The following CAMTA1 variants were observed in gnomAD, a reference collection of about 807,000 sequenced individuals.
CAMTA1 encodes calmodulin-binding transcription activator 1.
In CAMTA1, 27 loss-of-function variants were observed where a neutral mutation model predicts 170.9. The observed-to-expected ratio is 0.16, with a 90% confidence interval of 0.12 to 0.22. The LOEUF is 0.22. CAMTA1 is among the 10% of genes least tolerant of loss of function. The probability of loss-of-function intolerance (pLI) is 1.00; values close to 1 mark genes in which losing one functional copy is unlikely to be tolerated. For synonymous variants in CAMTA1, 833 were observed against 891.5 expected, an observed-to-expected ratio of 0.93 and a Z score of 1.17; for missense variants, 1,619 against 2,217.2, an observed-to-expected ratio of 0.73 and a Z score of 5.42.
In CAMTA1 at chr1:7,680,582, A is replaced by G. The variant is rs2096183025; in HGVS notation, c.2914+2849A>G. On this transcript the variant is annotated intron_variant, in intron 11 of 22. Transcript: ENST00000303635. This position sits in a 1 kb window ranked among gnomAD's most constrained non-coding sequence, Gnocchi z 4.4. ...GACTGCGAGGACCGCGGGACTAGGA[A>G]GGCCTGAGCCCGGCCACCCGCCTCC... 6.6e-6 allele frequency among the ~76,000 whole-genome samples: 1 copy of G among 151,772 alleles called. No homozygotes were observed. Among genetic ancestry groups the G allele is most frequent in the South Asian group, 2.1e-4 (1 of 4,830 alleles).
chr1:7,408,627 C>T (rs743968), intron 5 of CAMTA1, among the ~76,000 whole-genome samples: 3 of 152,208 alleles, frequency 2.0e-5, no homozygotes, highest in Non-Finnish European at 2.9e-5. Context: ...AGGCTGCTCT[C>T]GATTTTGGTG....
rs1016359348 is a variant in CAMTA1 at position 7,769,337 on chromosome 1, A to G, written c.*2846A>G. 2.0e-5 allele frequency: 3 copies of G among 152,782 alleles called. No individual in the cohort carries two copies. The highest frequency in any genetic ancestry group is 7.2e-5 in the African/African-American group (3 of 41,460). 9.5% of individuals were successfully genotyped at this position (152,782 alleles called of 1,614,324 possible). A position where few individuals can be genotyped will look rare whatever the true frequency, so the allele number is the denominator to read the frequency against. ...TAAAATTAATAGCTAATCTTATTCT[A>G]TCTCCTGAAGATTTAATTGCTATTG... On this transcript the variant is annotated 3_prime_UTR_variant, in exon 23 of 23. Transcript: ENST00000303635.
At chr1:7,052,674 G>C (rs1043778634) in intron 3 of CAMTA1, among the ~76,000 whole-genome samples, 1 of 152,022 alleles carries the variant, frequency 6.6e-6, no homozygotes, top group African/African-American at 2.4e-5. Flanking sequence ...TCTCCTCTTG[G>C]GCTGTGCCCA....
In CAMTA1 at chr1:6,971,326, C is replaced by T. The variant is rs956309021; in HGVS notation, c.235-119978C>T. On this transcript the variant is annotated intron_variant, in intron 3 of 22. Coordinates refer to ENST00000303635, the MANE Select transcript of CAMTA1 (RefSeq NM_015215.4). This position sits in a 1 kb window ranked among gnomAD's most constrained non-coding sequence, Gnocchi z 4.6. ...GAACTTTCTTCTTTGTGGCAGCACG[C>T]TTATAAAAAGGTAATCAAATAGCAG... 1.3e-5 allele frequency among the ~76,000 whole-genome samples: 2 copies of T among 152,188 alleles called. No individual in the cohort carries two copies. The highest frequency in any genetic ancestry group is 4.8e-5 in the African/African-American group (2 of 41,438).
chr1:7,311,322 A>T (rs1676700060), intron 5 of CAMTA1, among the ~76,000 whole-genome samples: 3 of 151,896 alleles, frequency 2.0e-5, no homozygotes, highest in Non-Finnish European at 2.9e-5. Flanking sequence ...ATTCTCTCTT[A>T]TTCAGATTGG....
chr1:6,999,320 A>C lies in CAMTA1; in HGVS notation c.235-91984A>C, dbSNP rs554273618. Among the ~76,000 whole-genome samples the C allele has an allele frequency of 2.6e-5, 4 of 152,324 alleles. No homozygotes were observed. The East Asian group carries it at 7.7e-4, about 29-fold the overall frequency. On this transcript the variant is annotated intron_variant, in intron 3 of 22. Transcript: ENST00000303635. ...TAAAGAAAAGGGGTTGAATTGGCTC[A>C]TGGTTTGGCAGGCTGTACAAGCATG...
intron 5 of CAMTA1, among the ~76,000 whole-genome samples, chr1:7,270,053 A>T (rs1574330154): frequency 6.6e-6 from 1 of 152,054 alleles, no homozygotes; most frequent in African/African-American, 2.4e-5. Context: ...TGCTAAAAGG[A>T]AAAACCTAGA....
At chr1:7,725,165 G>C (rs112859653) in intron 11 of CAMTA1, among the ~76,000 whole-genome samples, 1 of 152,190 alleles carries the variant, frequency 6.6e-6, no homozygotes, top group African/African-American at 2.4e-5. Flanking sequence ...ATTTACATGC[G>C]CGTGCATGTC....
At chr1:6,885,021 C>T (rs985015796) in intron 3 of CAMTA1, among the ~76,000 whole-genome samples, 15 of 152,106 alleles carry the variant, frequency 9.9e-5, no homozygotes, top group African/African-American at 3.6e-4. Flanking sequence ...AAAATGTTTC[C>T]ATCTGATGAG....
At chr1:7,483,835 C>G (rs973770013) in intron 6 of CAMTA1, among the ~76,000 whole-genome samples, 2 of 152,144 alleles carry the variant, frequency 1.3e-5, no homozygotes, top group Admixed American at 1.3e-4. Context: ...GGCAGGACCC[C>G]AGGGGTGGCT....
At chr1:7,183,244 C>G (rs1652580980) in intron 4 of CAMTA1, among the ~76,000 whole-genome samples, 1 of 152,048 alleles carries the variant, frequency 6.6e-6, no homozygotes, top group South Asian at 2.1e-4. Context: ...TTTTAACAGC[C>G]AGCTCTTCTG....
In CAMTA1 at chr1:7,455,196, C is replaced by T. The variant is rs2149479831; in HGVS notation, c.439-12634C>T. ...GGACAAGACATGCTGCCCATCCCTC[C>T]TGCTTCTCTAGTGCAGGAGCCGCGG... is the stretch of plus-strand genomic sequence containing the variant. On this transcript the variant is annotated intron_variant, in intron 5 of 22. Transcript: ENST00000303635. This position sits in a 1 kb window ranked among gnomAD's most constrained non-coding sequence, Gnocchi z 5.0. Among the ~76,000 whole-genome samples the T allele has an allele frequency of 6.6e-6, 1 of 152,326 alleles. No individual in the cohort carries two copies. The highest frequency in any genetic ancestry group is 6.5e-5 in the Admixed American group (1 of 15,308).
chr1:7,089,236 G>A (rs1641151568), intron 3 of CAMTA1, among the ~76,000 whole-genome samples: 1 of 152,160 alleles, frequency 6.6e-6, no homozygotes, highest in Non-Finnish European at 1.5e-5. Context: ...AGTTTCATAG[G>A]AAACTGGTCT....
chr1:7,313,472 C>T (rs769708850), intron 5 of CAMTA1, among the ~76,000 whole-genome samples: 2 of 152,214 alleles, frequency 1.3e-5, no homozygotes, highest in Non-Finnish European at 2.9e-5. Context: ...GGTAGACGTC[C>T]TCGTTAGGGA....
intron 3 of CAMTA1, among the ~76,000 whole-genome samples, chr1:7,019,718 A>G (rs992598365): frequency 6.6e-6 from 1 of 152,262 alleles, no homozygotes; most frequent in Non-Finnish European, 1.5e-5. Flanking sequence ...GAAAACAAGA[A>G]CACAGACACA....
intron 4 of CAMTA1, among the ~76,000 whole-genome samples, chr1:7,208,100 T>TG (rs1658092949): frequency 6.6e-6 from 1 of 152,254 alleles, no homozygotes; most frequent in Admixed American, 6.5e-5. Flanking sequence ...TCCAGGCAAC[T>TG]GGGGAGCATT....
intron 6 of CAMTA1, among the ~76,000 whole-genome samples, chr1:7,533,193 A>G (rs1268031652): frequency 1.3e-5 from 2 of 152,076 alleles, no homozygotes; most frequent in African/African-American, 2.4e-5. Context: ...CCCCTGCTGC[A>G]CGTGCCGGAT....
At chr1:6,956,751 GGCT>G (rs1689523519) in intron 3 of CAMTA1, among the ~76,000 whole-genome samples, 1 of 152,160 alleles carries the variant, frequency 6.6e-6, no homozygotes, top group Non-Finnish European at 1.5e-5. Context: ...AAAAACAAAG[GGCT>G]CAGTGTTGGC....
At chr1:6,871,627 A>G (rs1668432777) in intron 3 of CAMTA1, 3 of 678,652 alleles carry the variant, frequency 4.4e-6, no homozygotes, top group Non-Finnish European at 7.0e-6. Flanking sequence ...GTGGTTTTGT[A>G]TGTAAATAAA....
Sources: allele counts gnomAD v4.1 joint callset (sites outside exome capture counted in the v4.1 genomes callset), GRCh38; gene constraint gnomAD v4.1.1; non-coding constraint Gnocchi (gnomAD v3.1); transcripts MANE v1.5; gene names NCBI Gene and HGNC (gene_info 2026-07-23, HGNC 2026-07-21).